The following COX7B2 variants were observed in gnomAD, a reference collection of about 807,000 sequenced individuals.
COX7B2 encodes the protein cytochrome c oxidase subunit 7B2.
For synonymous variants in COX7B2, 37 were observed against 32.1 expected, an observed-to-expected ratio of 1.15 and a Z score of -0.51; for missense variants, 109 against 95.9, an observed-to-expected ratio of 1.14 and a Z score of -0.57.
At chr4:46,886,141 CT>C (rs1181144706) in intron 1 of COX7B2, among the ~76,000 whole-genome samples, 2 of 152,136 alleles carry the variant, frequency 1.3e-5, no homozygotes, top group Non-Finnish European at 2.9e-5. Context: ...AGCCACTTGA[CT>C]TTAGGTAGTT....
At chr4:46,852,344 T>C (rs1235799504) in intron 1 of COX7B2, among the ~76,000 whole-genome samples, 4 of 152,096 alleles carry the variant, frequency 2.6e-5, no homozygotes, top group Admixed American at 1.3e-4. Flanking sequence ...CGCACTTTCT[T>C]ACTTTCTAAT....
chr4:46,771,488 G>A (rs6831990), intron 2 of COX7B2, among the ~76,000 whole-genome samples: 49,876 of 151,748 alleles, frequency 0.33, 8,446 homozygotes, highest in South Asian at 0.47. Flanking sequence ...AAATGAAATC[G>A]GTACAGGTTG....
intron 2 of COX7B2, among the ~76,000 whole-genome samples, chr4:46,775,728 T>C (rs1447751003): frequency 6.6e-6 from 1 of 152,060 alleles, no homozygotes; most frequent in Admixed American, 6.6e-5. Context: ...GGCTAAAGTA[T>C]TACAAATTAG....
intron 2 of COX7B2, among the ~76,000 whole-genome samples, chr4:46,830,321 C>A (rs1333199661): frequency 5.1e-5 from 5 of 97,288 alleles, no homozygotes; most frequent in Admixed American, 4.1e-4. Context: ...AAGACTCTGT[C>A]TCCAAAAAAA....
intron 2 of COX7B2, among the ~76,000 whole-genome samples, chr4:46,736,916 T>C (rs1250529960): frequency 6.6e-6 from 1 of 152,224 alleles, no homozygotes; most frequent in Admixed American, 6.5e-5. Context: ...GCTGTTGCTA[T>C]AAACATCTGT....
At chr4:46,884,829 T>A (rs1429363620) in intron 1 of COX7B2, among the ~76,000 whole-genome samples, 1 of 152,164 alleles carries the variant, frequency 6.6e-6, no homozygotes, top group Non-Finnish European at 1.5e-5. Flanking sequence ...TCTTTTGTGA[T>A]GAAGTTCTAA....
intron 2 of COX7B2, among the ~76,000 whole-genome samples, chr4:46,841,128 G>A (rs1170581007): frequency 6.6e-6 from 1 of 151,970 alleles, no homozygotes; most frequent in East Asian, 1.9e-4. Flanking sequence ...TGAGCAATGA[G>A]ACACTGAATT....
chr4:46,894,478 CA>C (rs1299364087), intron 1 of COX7B2, among the ~76,000 whole-genome samples: 7 of 152,034 alleles, frequency 4.6e-5, no homozygotes. Context: ...GTATCATATA[CA>C]AAAATCAACT....
chr4:46,785,955 G>T (rs1254057846), intron 2 of COX7B2, among the ~76,000 whole-genome samples: 1 of 152,086 alleles, frequency 6.6e-6, no homozygotes, highest in Non-Finnish European at 1.5e-5. Flanking sequence ...TATAAATAAT[G>T]CATGAAAAAT....
At chr4:46,828,906 G>T (rs921852288) in intron 2 of COX7B2, among the ~76,000 whole-genome samples, 4 of 152,022 alleles carry the variant, frequency 2.6e-5, no homozygotes, top group East Asian at 1.9e-4. Flanking sequence ...TAACAGCGAA[G>T]TATAATTAAC....
At chr4:46,903,301 C>T (rs554737839) in intron 1 of COX7B2, among the ~76,000 whole-genome samples, 1 of 152,286 alleles carries the variant, frequency 6.6e-6, no homozygotes, top group African/African-American at 2.4e-5. Context: ...TCTGCCACCT[C>T]AGAGGCATTC....
intron 2 of COX7B2, among the ~76,000 whole-genome samples, chr4:46,735,878 G>A (rs1714332944): frequency 6.6e-6 from 1 of 152,108 alleles, no homozygotes; most frequent in African/African-American, 2.4e-5. Context: ...TGGGGAAGCA[G>A]TTTTGGTTCA....
intron 2 of COX7B2, among the ~76,000 whole-genome samples, chr4:46,799,811 T>C (rs1560388382): frequency 6.6e-6 from 1 of 152,288 alleles, no homozygotes; most frequent in Middle Eastern, 3.4e-3. Flanking sequence ...CCTGAAGTTT[T>C]ATTTTTTCAT....
intron 2 of COX7B2, among the ~76,000 whole-genome samples, chr4:46,743,472 G>A (rs1218551608): frequency 6.6e-6 from 1 of 152,186 alleles, no homozygotes; most frequent in East Asian, 1.9e-4. Flanking sequence ...CCCAGTGGCT[G>A]AAATACATAG....
At chr4:46,837,086 A>T (rs1715563827) in intron 2 of COX7B2, among the ~76,000 whole-genome samples, 1 of 152,114 alleles carries the variant, frequency 6.6e-6, no homozygotes, top group African/African-American at 2.4e-5. Context: ...TAACATGTTA[A>T]CTTCAGTGCA....
chr4:46,782,589 A>G (rs1359248311), intron 2 of COX7B2, among the ~76,000 whole-genome samples: 1 of 152,170 alleles, frequency 6.6e-6, no homozygotes, highest in Non-Finnish European at 1.5e-5. Flanking sequence ...GTCTCCTTCC[A>G]GGCTGTGGAA....
At chr4:46,817,696 A>T (rs1719626878) in intron 2 of COX7B2, among the ~76,000 whole-genome samples, 2 of 152,234 alleles carry the variant, frequency 1.3e-5, no homozygotes, top group Non-Finnish European at 2.9e-5. Flanking sequence ...GAAGAGGCTA[A>T]TAGTCTAGTT....
intron 1 of COX7B2, among the ~76,000 whole-genome samples, chr4:46,861,972 T>C (rs1412817392): frequency 2.0e-5 from 3 of 152,176 alleles, no homozygotes; most frequent in Non-Finnish European, 4.4e-5. Context: ...TACTATTGCC[T>C]TGCTCAAGTC....
chr4:46,777,792 G>T (rs1717239918), intron 2 of COX7B2, among the ~76,000 whole-genome samples: 1 of 152,102 alleles, frequency 6.6e-6, no homozygotes, highest in African/African-American at 2.4e-5. Context: ...CTAGCCATGT[G>T]ACATAAGGCA....
Sources: allele counts gnomAD v4.1 joint callset (sites outside exome capture counted in the v4.1 genomes callset), GRCh38; gene constraint gnomAD v4.1.1; transcripts MANE v1.5; gene names NCBI Gene and HGNC (gene_info 2026-07-23, HGNC 2026-07-21).